Variants in RIPK3 observed in about 807,000 individuals in gnomAD.
The protein encoded by RIPK3 is receptor interacting serine/threonine kinase 3.
A neutral mutation model predicts 51.6 loss-of-function variants in RIPK3; 51 were observed. That is an observed-to-expected ratio of 0.99 (90% CI 0.79 to 1.25). RIPK3 has a LOEUF of 1.25. Ranked by LOEUF, RIPK3 falls within the 50% of genes most tolerant of loss-of-function variation. The probability of loss-of-function intolerance (pLI) is 0.00; values close to 1 mark genes in which losing one functional copy is unlikely to be tolerated. For missense variants in RIPK3, 654 were observed against 650.4 expected, an observed-to-expected ratio of 1.01 and a Z score of -0.06; for synonymous variants, 246 against 257.7, an observed-to-expected ratio of 0.95 and a Z score of 0.44.
In RIPK3 at chr14:24,337,077, A is replaced by G. The variant is rs2042144876; in HGVS notation, c.1275+9T>C. On this transcript the variant is annotated intron_variant, in intron 8 of 9. Transcript: ENST00000216274. ...CTTAGTGCATCCCCTAATCCTGTCA[A>G]TGTCTCACCTGATTCCCTCGGGGTC... 1 of 1,612,556 alleles carries G rather than the reference A, an allele frequency of 6.2e-7. No homozygotes were observed. The highest frequency in any genetic ancestry group is 1.1e-5 in the South Asian group (1 of 91,064).
chr14:24,337,313 T>C lies in RIPK3; in HGVS notation c.1048A>G (p.Asn350Asp). 1 of 1,614,110 alleles carries C rather than the reference T, an allele frequency of 6.2e-7. No homozygotes were observed. Among genetic ancestry groups the C allele is most frequent in the African/African-American group, 1.3e-5 (1 of 75,038 alleles). ...RNDVMVSEWLNKLNLEEPPSS... is the reference protein window; with the variant it reads ...RNDVMVSEWLDKLNLEEPPSS... ...GGAGGCTCCTCTAGATTCAGTTTGT[T>C]TAGCCACTCAGAAACCATGACATCA... Residue 350 changes from asparagine to aspartate, a missense_variant, in exon 8 of 10, where the codon AAC becomes GAC. By Grantham distance (23) the Asn-to-Asp change is conservative. Transcript: ENST00000216274.
In RIPK3 at chr14:24,338,563, G is replaced by T; in HGVS notation, c.476C>A (p.Ala159Glu). ...LLDPELHVKL[A>E]DFGLSTFQGG... The stretch of plus-strand genomic sequence containing the variant: ...CTGAAATGTGGACAGGCCAAAATCT[G>T]CCAGCTGCAAAGGAAGGAAAGAAGT... Residue 159 changes from alanine to glutamate, a missense_variant, in exon 4 of 10, where the codon GCA becomes GAA. Ala to Glu is a moderately radical substitution (Grantham distance 107, BLOSUM62 -1). Coordinates refer to ENST00000216274, the MANE Select transcript of RIPK3 (RefSeq NM_006871.4). 3 of 1,594,806 alleles carry T rather than the reference G, an allele frequency of 1.9e-6. No homozygotes were observed. Among genetic ancestry groups the T allele is most frequent in the African/African-American group, 1.3e-5 (1 of 74,590 alleles).
rs780445449 is a variant in RIPK3 at position 24,336,272 on chromosome 14, C to T, written c.1460G>A (p.Gly487Asp). ...ACCTACTGGTGGGGGGTGCTGCAAGCCCCTCCCCTTGCCCGAAGGTGCCAA... is the reference window on the plus strand; with the variant it reads ...ACCTACTGGTGGGGGGTGCTGCAAGTCCCTCCCCTTGCCCGAAGGTGCCAA... ...WGLAPSGKGR[G>D]LQHPPPVGSQ... The change falls in exon 10 of 10, where the codon GGC becomes GAC. Residue 487 changes from glycine to aspartate, a missense_variant. Gly to Asp is a moderately conservative substitution (Grantham distance 94). Coordinates refer to ENST00000216274, the MANE Select transcript of RIPK3 (RefSeq NM_006871.4). 6.8e-6 allele frequency: 11 copies of T among 1,613,958 alleles called. No homozygotes were observed. Among genetic ancestry groups the T allele is most frequent in the African/African-American group, 6.7e-5 (5 of 74,934 alleles).
chr14:24,339,077 C>T lies in RIPK3; in HGVS notation c.409G>A (p.Val137Met), dbSNP rs139771138. 6.2e-7 allele frequency: 1 copy of T among 1,614,152 alleles called. No individual in the cohort carries two copies. The highest frequency in any genetic ancestry group is 8.5e-7 in the Non-Finnish European group (1 of 1,180,018). Reference sequence around the variant, plus strand: ...GGCTTGAGGTCCCGGTGCAGGAGCACCGGGTTCTGGTCGTGCAGGTAAAAC... The same window carrying T: ...GGCTTGAGGTCCCGGTGCAGGAGCATCGGGTTCTGGTCGTGCAGGTAAAAC... ...GMFYLHDQNP[V>M]LLHRDLKPSN... Residue 137 changes from valine to methionine, a missense_variant, in exon 3 of 10, where the codon GTG becomes ATG. Physicochemically the swap from Val to Met is conservative, Grantham distance 21. Transcript: ENST00000216274. The surrounding 1 kb of genome is among the most constrained non-coding windows in gnomAD (Gnocchi z 4.0).
chr14:24,339,444 C>G lies in RIPK3; in HGVS notation c.161+13G>C, dbSNP rs778575887. The G allele has an allele frequency of 1.2e-6, 2 of 1,614,166 alleles. No homozygotes were observed. Among genetic ancestry groups the G allele is most frequent in the Non-Finnish European group, 8.5e-7 (1 of 1,180,006 alleles). The stretch of plus-strand genomic sequence containing the variant: ...TGGCCAGATTGCGGCTGGGGTCAAC[C>G]GGGGTCACTCACGAGTTTACGATCT... On this transcript the variant is annotated intron_variant, in intron 2 of 9. Coordinates refer to ENST00000216274, the MANE Select transcript of RIPK3 (RefSeq NM_006871.4). This position sits in a 1 kb window ranked among gnomAD's most constrained non-coding sequence, Gnocchi z 4.0.
At position 24,339,853 on chromosome 14, in the gene RIPK3, T is replaced by G; in HGVS notation, c.-27A>C. On this transcript the variant is annotated 5_prime_UTR_variant, in exon 1 of 10. Coordinates refer to ENST00000216274, the MANE Select transcript of RIPK3 (RefSeq NM_006871.4). This position sits in a 1 kb window ranked among gnomAD's most constrained non-coding sequence, Gnocchi z 4.0. ...AGGCTGGAAGGTGCCAGGGGGCCTCTGGAAATTGCGAGCCGTAGGAGATGG... is the reference window on the plus strand; with the variant it reads ...AGGCTGGAAGGTGCCAGGGGGCCTCGGGAAATTGCGAGCCGTAGGAGATGG... The G allele has an allele frequency of 6.5e-7, 1 of 1,547,880 alleles. No individual in the cohort carries two copies. Among genetic ancestry groups the G allele is most frequent in the South Asian group, 1.3e-5 (1 of 79,312 alleles).
At position 24,337,280 on chromosome 14, in the gene RIPK3, C is replaced by G; in HGVS notation, c.1081G>C (p.Val361Leu). The G allele has an allele frequency of 6.2e-7, 1 of 1,614,086 alleles. No individual in the cohort carries two copies. The highest frequency in any genetic ancestry group is 1.1e-5 in the South Asian group (1 of 91,076). ...KLNLEEPPSS[V>L]PKKCPSLTKR... ...GTAAGGCTCGGGCATTTTTTAGGAA[C>G]AGAGCTGGGAGGCTCCTCTAGATTC... Residue 361 changes from valine (V) to leucine (L), a missense_variant, in exon 8 of 10, where the codon GTT (valine) becomes CTT (leucine). Val to Leu is a conservative substitution (Grantham distance 32, BLOSUM62 1). Transcript: ENST00000216274.
Position 24,339,372 on chromosome 14 carries a change from C to T in RIPK3, c.162-48G>A, listed in dbSNP as rs750449381. 1.4e-5 allele frequency: 23 copies of T among 1,608,200 alleles called. No individual in the cohort carries two copies. The South Asian group carries it at 2.3e-4, about 16-fold the overall frequency. ...AGTCGCACCGGGGTCGTGGGAAAAT[C>T]CCTCCCTTCGCCATTCAGGCCCCAG... On this transcript the variant is annotated intron_variant, in intron 2 of 9. Transcript: ENST00000216274. The surrounding 1 kb of genome is among the most constrained non-coding windows in gnomAD (Gnocchi z 4.0).
chr14:24,336,859 A>G (rs764430817), intron 9 of RIPK3, 26 bp downstream of exon 9: 2 of 1,594,202 alleles, frequency 1.3e-6, no homozygotes, highest in South Asian at 1.1e-5. Context: ...TTGAACAGGG[A>G]AAAGAAAGAG....
intron 9 of RIPK3, 114 bp downstream of exon 9, chr14:24,336,771 T>C: frequency 1.0e-6 from 1 of 999,892 alleles, no homozygotes; most frequent in South Asian, 1.3e-5. Context: ...AAGGTTGAGT[T>C]AGATCATCTT....
rs755905890 is a variant in RIPK3, at chr14:24,339,273, G to T, written c.213C>A (p.Phe71Leu). The change falls in exon 3 of 10, where the codon TTC becomes TTA. Residue 71 changes from phenylalanine (F) to leucine (L), a missense_variant. By Grantham distance (22) the Phe-to-Leu change is conservative. Transcript: ENST00000216274. The surrounding 1 kb of genome is among the most constrained non-coding windows in gnomAD (Gnocchi z 4.0). ...CGATAACCCCTTCTAGGCGCAGCAC[G>T]AATTCGTTATCCAGACTTGCCATGG... ...VKAMASLDNE[F>L]VLRLEGVIEK... 6.2e-7 allele frequency: 1 copy of T among 1,613,914 alleles called. No individual in the cohort carries two copies. Among genetic ancestry groups the T allele is most frequent in the Non-Finnish European group, 8.5e-7 (1 of 1,179,816 alleles).
rs1425176659 is a variant in RIPK3 at position 24,336,336 on chromosome 14, A to T, written c.1396T>A (p.Leu466Met). The stretch of plus-strand genomic sequence containing the variant: ...AAGGCAGTTGTCTGTTGCATAGTCA[A>T]GTAGTTGTTGTCTCCAACTTGCACC... Reference protein sequence around the residue: ...SGVQVGDNNYLTMQQTTALPT... With the variant: ...SGVQVGDNNYMTMQQTTALPT... Residue 466 changes from leucine to methionine, a missense_variant, in exon 10 of 10, where the codon TTG becomes ATG. Coordinates refer to ENST00000216274, the MANE Select transcript of RIPK3 (RefSeq NM_006871.4). 6.2e-7 allele frequency: 1 copy of T among 1,613,896 alleles called. No individual in the cohort carries two copies. The highest frequency in any genetic ancestry group is 1.1e-5 in the South Asian group (1 of 91,086).
intron 3 of RIPK3, 169 bp downstream of exon 3, chr14:24,338,846 C>A (rs2042160840): frequency 3.0e-6 from 2 of 676,402 alleles, no homozygotes; most frequent in South Asian, 3.8e-5. Context: ...ACCTGGTAGG[C>A]AGGAGCTAAA....
chr14:24,337,263 CG>C lies in RIPK3; in HGVS notation c.1097del (p.Pro366ArgfsTer67). ...EPPSSVPKKC[P>X]SLTKRSRAQE... Reference sequence around the variant, plus strand: ...GTGCCCTGCTCCTCTTGGTAAGGCTCGGGCATTTTTTAGGAACAGAGCTGGG... The same window carrying C: ...GTGCCCTGCTCCTCTTGGTAAGGCTCGGCATTTTTTAGGAACAGAGCTGGG... On this transcript the variant is annotated frameshift_variant, in exon 8 of 10. Coordinates refer to ENST00000216274, the MANE Select transcript of RIPK3 (RefSeq NM_006871.4). LOFTEE classifies it high-confidence loss of function. The C allele has an allele frequency of 6.2e-7, 1 of 1,614,014 alleles. No individual in the cohort carries two copies. Among genetic ancestry groups the C allele is most frequent in the Non-Finnish European group, 8.5e-7 (1 of 1,180,036 alleles).
Position 24,336,883 on chromosome 14 carries a change from A to G in RIPK3, c.1336+2T>C. 6.2e-7 allele frequency: 1 copy of G among 1,612,118 alleles called. No individual in the cohort carries two copies. The highest frequency in any genetic ancestry group is 1.6e-4 in the Middle Eastern group (1 of 6,062). ...GAAAAGAAAGAGGTAGAGAATGGGT[A>G]CCTGTTACTGGATTTGGCTCCGGGG... On this transcript the variant is annotated splice_donor_variant, in intron 9 of 9. Transcript: ENST00000216274. LOFTEE classifies it high-confidence loss of function.
chr14:24,338,204 A>G (rs745456372), intron 5 of RIPK3, 45 bp downstream of exon 5: 18 of 1,535,430 alleles, frequency 1.2e-5, no homozygotes, highest in Non-Finnish European at 1.1e-5. Context: ...TTTCAAGAGA[A>G]GGGCACCTGG....
chr14:24,337,159 G>A lies in RIPK3; in HGVS notation c.1202C>T (p.Thr401Ile). 1.2e-6 allele frequency: 2 copies of A among 1,611,992 alleles called. No homozygotes were observed. Among genetic ancestry groups the A allele is most frequent in the Non-Finnish European group, 1.7e-6 (2 of 1,180,018 alleles). ...GGGCATCTGGTTTCTGAAAGTTGAGGTCTCTGGAGTCTGGGGAGGTTGGGC... is the reference window on the plus strand; with the variant it reads ...GGGCATCTGGTTTCTGAAAGTTGAGATCTCTGGAGTCTGGGGAGGTTGGGC... Reference protein sequence around the residue: ...SMAQPPQTPETSTFRNQMPSP... With the variant: ...SMAQPPQTPEISTFRNQMPSP... The change falls in exon 8 of 10, where the codon ACC (threonine) becomes ATC (isoleucine). Residue 401 changes from threonine to isoleucine, a missense_variant. Physicochemically the swap from Thr to Ile is moderately conservative, Grantham distance 89 (BLOSUM62 -1). Transcript: ENST00000216274.
Position 24,339,970 on chromosome 14 carries a change from T to C in RIPK3, c.-144A>G. ...CTAGACCAAGACGGTGAGTCTACTTTCCGGGTTGTTACCCTTTTTCCGAGT... is the reference window on the plus strand; with the variant it reads ...CTAGACCAAGACGGTGAGTCTACTTCCCGGGTTGTTACCCTTTTTCCGAGT... On this transcript the variant is annotated 5_prime_UTR_variant, in exon 1 of 10. Coordinates refer to ENST00000216274, the MANE Select transcript of RIPK3 (RefSeq NM_006871.4). The surrounding 1 kb of genome is among the most constrained non-coding windows in gnomAD (Gnocchi z 4.0). 1.2e-6 allele frequency: 1 copy of C among 833,886 alleles called. No homozygotes were observed. Among genetic ancestry groups the C allele is most frequent in the Non-Finnish European group, 1.8e-6 (1 of 563,090 alleles). The allele number at this position is 833,886 out of a possible 1,614,324, so 51.7% of individuals were successfully genotyped here.
At chr14:24,337,508 G>A (rs2042148221) in intron 7 of RIPK3, 48 bp from the exon 8 acceptor site, 3 of 1,610,766 alleles carry the variant, frequency 1.9e-6, no homozygotes, top group Non-Finnish European at 2.5e-6. Flanking sequence ...ATGAGCCAGA[G>A]TAAACCCAAG....
Sources: gnomAD v4.1 joint callset for allele counts on GRCh38, gnomAD v4.1.1 for gene constraint, Gnocchi (gnomAD v3.1) non-coding constraint, MANE v1.5 for transcripts, NCBI Gene and HGNC (gene_info 2026-07-23, HGNC 2026-07-21) for gene names.